The following ALK variants were observed in gnomAD, a reference collection of about 807,000 sequenced individuals.
ALK encodes ALK receptor tyrosine kinase, also known as ALK tyrosine kinase receptor.
Under a neutral mutation model 163.1 loss-of-function variants are expected in ALK, and 74 were observed. That is an observed-to-expected ratio of 0.45 (90% CI 0.38 to 0.55). The LOEUF (loss-of-function observed/expected upper bound fraction) is 0.55. Ranked by LOEUF, ALK falls within the 20% of genes least tolerant of loss-of-function variation. The probability of loss-of-function intolerance (pLI) is 0.00; values close to 1 mark genes in which losing one functional copy is unlikely to be tolerated. For missense variants in ALK, 2,063 were observed against 2,105.3 expected, an observed-to-expected ratio of 0.98 and a Z score of 0.39; for synonymous variants, 960 against 843.2, an observed-to-expected ratio of 1.14 and a Z score of -2.40.
intron 4 of ALK, among the ~76,000 whole-genome samples, chr2:29,510,067 G>C (rs1250143996): frequency 6.6e-6 from 1 of 152,148 alleles, no homozygotes; most frequent in Non-Finnish European, 1.5e-5. Context: ...CAGTGGAGGT[G>C]GCCACAGTCC....
intron 12 of ALK, among the ~76,000 whole-genome samples, chr2:29,248,710 G>A (rs1391095481): frequency 6.6e-6 from 1 of 152,230 alleles, no homozygotes; most frequent in Non-Finnish European, 1.5e-5. Context: ...TGAATGCACT[G>A]TGGAAATAAT....
At position 29,471,370 on chromosome 2, in the gene ALK, T is replaced by G. The variant is rs186058271; in HGVS notation, c.1154+60545A>C. 7.2e-5 allele frequency among the ~76,000 whole-genome samples: 11 copies of G among 152,330 alleles called. No individual in the cohort carries two copies. In the East Asian group the frequency reaches 1.9e-3, roughly 27 times the overall value. On this transcript the variant is annotated intron_variant, in intron 4 of 28. Transcript: ENST00000389048. ...TACAGGTCAATCTCTCTTATTAGCA[T>G]AGATGCAAAAGTTCTAGACAAAGTA...
chr2:29,760,819 C>T (rs1013224998), intron 1 of ALK, among the ~76,000 whole-genome samples: 1 of 152,292 alleles, frequency 6.6e-6, no homozygotes. Flanking sequence ...TATAGTAAAA[C>T]CAGGTCAGCT....
At chr2:29,880,276 T>C (rs1470072476) in intron 1 of ALK, among the ~76,000 whole-genome samples, 1 of 152,172 alleles carries the variant, frequency 6.6e-6, no homozygotes, top group African/African-American at 2.4e-5. Flanking sequence ...CCTGGTCATA[T>C]CAGAATTAGC....
chr2:29,674,098 T>C (rs1367719803), intron 3 of ALK, among the ~76,000 whole-genome samples: 1 of 148,584 alleles, frequency 6.7e-6, no homozygotes, highest in Non-Finnish European at 1.5e-5. Flanking sequence ...GTTTTCTAGA[T>C]ATACAATCAT....
chr2:29,755,434 C>T lies in ALK; in HGVS notation c.668-37737G>A, dbSNP rs537807295. 6.6e-5 allele frequency among the ~76,000 whole-genome samples: 10 copies of T among 152,302 alleles called. 1 individual carries two copies. The highest frequency in any genetic ancestry group is 2.1e-4 in the South Asian group (1 of 4,816). Reference sequence around the variant, plus strand: ...GCGGTTTTAGGGGAAGAATTCTCCACGGACCTATTTTACCACAGCACCTAT... The same window carrying T: ...GCGGTTTTAGGGGAAGAATTCTCCATGGACCTATTTTACCACAGCACCTAT... On this transcript the variant is annotated intron_variant, in intron 1 of 28. Coordinates refer to ENST00000389048, the MANE Select transcript of ALK (RefSeq NM_004304.5).
At chr2:29,296,789 G>T in intron 9 of ALK, 99 bp downstream of exon 9, 2 of 1,458,690 alleles carry the variant, frequency 1.4e-6, no homozygotes, top group Non-Finnish European at 1.9e-6. Context: ...ATCTGCATGT[G>T]TGTCTTGGGT....
intron 1 of ALK, among the ~76,000 whole-genome samples, chr2:29,787,394 G>A (rs184754192): frequency 3.2e-4 from 49 of 152,230 alleles, no homozygotes; most frequent in Admixed American, 7.8e-4. Flanking sequence ...AGTCACAAAG[G>A]GCAATCCAAG....
At chr2:29,643,948 C>A (rs567456965) in intron 3 of ALK, among the ~76,000 whole-genome samples, 4 of 151,994 alleles carry the variant, frequency 2.6e-5, no homozygotes, top group Non-Finnish European at 5.9e-5. Flanking sequence ...CACATGCACA[C>A]GTATGTTTAT....
intron 4 of ALK, among the ~76,000 whole-genome samples, chr2:29,416,144 C>A (rs1669871341): frequency 1.3e-5 from 2 of 152,178 alleles, no homozygotes; most frequent in Admixed American, 6.5e-5. Flanking sequence ...CTATATATAC[C>A]CTCCTGGTTC....
intron 3 of ALK, among the ~76,000 whole-genome samples, chr2:29,570,242 G>C (rs1177865314): frequency 6.6e-6 from 1 of 152,230 alleles, no homozygotes; most frequent in Non-Finnish European, 1.5e-5. Flanking sequence ...TAAAAAGAAA[G>C]AGAAGATAAA....
chr2:29,266,077 G>A (rs932594546), intron 11 of ALK, among the ~76,000 whole-genome samples: 2 of 152,190 alleles, frequency 1.3e-5, no homozygotes, highest in South Asian at 2.1e-4. Context: ...AAGAATTTTC[G>A]TGAACAAGGT....
Position 29,220,776 on chromosome 2 carries a change from C to A in ALK, c.3575G>T (p.Arg1192Leu). ...CGCCATGAGCTCCAGCAGGATGAAC[C>A]GGGGCAGGGATTGCAGGCTCACCCC... ...CIGVSLQSLP[R>L]FILLELMAGG... The change falls in exon 23 of 29, where the codon CGG (arginine) becomes CTG (leucine). Residue 1192 changes from arginine (R) to leucine (L), a missense_variant. Physicochemically the swap from Arg to Leu is moderately radical, Grantham distance 102. Coordinates refer to ENST00000389048, the MANE Select transcript of ALK (RefSeq NM_004304.5). 6.2e-7 allele frequency: 1 copy of A among 1,614,068 alleles called. No homozygotes were observed.
chr2:29,539,206 A>T (rs1673347226), intron 3 of ALK, among the ~76,000 whole-genome samples: 1 of 152,180 alleles, frequency 6.6e-6, no homozygotes, highest in Admixed American at 6.5e-5. Flanking sequence ...ACTGCAGTGA[A>T]TAAGGGTTAT....
At chr2:29,822,894 T>C (rs1665087500) in intron 1 of ALK, among the ~76,000 whole-genome samples, 1 of 152,240 alleles carries the variant, frequency 6.6e-6, no homozygotes, top group South Asian at 2.1e-4. Context: ...TTCTGGCTTT[T>C]ATTTCCGAAT....
intron 11 of ALK, among the ~76,000 whole-genome samples, chr2:29,261,354 G>T (rs187311827): frequency 2.6e-5 from 4 of 151,854 alleles, no homozygotes; most frequent in Admixed American, 2.6e-4. Context: ...TTGATATATG[G>T]GTGTTCTGTG....
intron 5 of ALK, among the ~76,000 whole-genome samples, chr2:29,382,340 A>C (rs1206261387): frequency 6.6e-6 from 1 of 152,196 alleles, no homozygotes; most frequent in East Asian, 1.9e-4. Flanking sequence ...AACACAGGCT[A>C]TGGGGGATGA....
chr2:29,739,777 A>G (rs1680000738), intron 1 of ALK, among the ~76,000 whole-genome samples: 1 of 152,110 alleles, frequency 6.6e-6, no homozygotes, highest in African/African-American at 2.4e-5. Context: ...TACCAAGCAC[A>G]TATCAATGAC....
intron 8 of ALK, among the ~76,000 whole-genome samples, chr2:29,309,938 G>C (rs997407351): frequency 6.6e-6 from 1 of 152,154 alleles, no homozygotes; most frequent in African/African-American, 2.4e-5. Context: ...CCTGAGTAAC[G>C]TAAGATGAGG....
Sources: allele counts gnomAD v4.1 joint callset (sites outside exome capture counted in the v4.1 genomes callset), GRCh38; gene constraint gnomAD v4.1.1; transcripts MANE v1.5; gene names NCBI Gene and HGNC (gene_info 2026-07-23, HGNC 2026-07-21).